TAFA5: variants seen among roughly 807,000 people sequenced by gnomAD.
TAFA5 encodes TAFA chemokine like family member 5, also known as chemokine-like protein TAFA-5.
A neutral mutation model predicts 15.3 loss-of-function variants in TAFA5; 6 were observed. The ratio of observed to expected loss-of-function variants is 0.39; its 90% CI spans 0.21 to 0.77. The LOEUF (loss-of-function observed/expected upper bound fraction) is 0.77, where lower values mean the gene tolerates loss of function less well. Among genes scored for constraint, TAFA5 ranks in the 30% least tolerant of loss-of-function variants. The pLI, the probability that TAFA5 is intolerant of heterozygous loss-of-function variation, is 0.41. For missense variants in TAFA5, 161 were observed against 193.1 expected (o/e 0.83, Z 0.98); for synonymous variants, 103 against 80.7 (o/e 1.28, Z -1.48).
chr22:48,738,569 T>C (rs186794315), intron 3 of TAFA5, among the ~76,000 whole-genome samples: 2 of 152,176 alleles, frequency 1.3e-5, no homozygotes, highest in Non-Finnish European at 2.9e-5. Flanking sequence ...CTCACCCCAG[T>C]GAGGAGTGAT....
intron 2 of TAFA5, among the ~76,000 whole-genome samples, chr22:48,665,935 G>A (rs1023307464): frequency 2.0e-5 from 3 of 152,040 alleles, no homozygotes; most frequent in Admixed American, 2.0e-4. Context: ...CTCCCCACCT[G>A]CCCCCAACGC....
chr22:48,607,665 G>A (rs1285966227), intron 1 of TAFA5, among the ~76,000 whole-genome samples: 2 of 152,036 alleles, frequency 1.3e-5, no homozygotes, highest in Non-Finnish European at 1.5e-5. Flanking sequence ...TCTGTCCCAG[G>A]TTCTGATTAG....
intron 1 of TAFA5, among the ~76,000 whole-genome samples, chr22:48,584,241 A>C (rs1924234479): frequency 6.8e-6 from 1 of 147,918 alleles, no homozygotes; most frequent in Non-Finnish European, 1.5e-5. Flanking sequence ...CACATTGGAC[A>C]CCACACACTT....
intron 3 of TAFA5, among the ~76,000 whole-genome samples, chr22:48,711,876 G>C (rs577352120): frequency 6.6e-6 from 1 of 152,330 alleles, no homozygotes; most frequent in African/African-American, 2.4e-5. Context: ...GTGGGCCGTT[G>C]CCGTTTACTT....
At chr22:48,637,403 C>T (rs1029816275) in intron 1 of TAFA5, among the ~76,000 whole-genome samples, 15 of 152,286 alleles carry the variant, frequency 9.8e-5, no homozygotes, top group African/African-American at 3.4e-4. Flanking sequence ...AGTTCGAAAG[C>T]GGTTCCTGCT....
At chr22:48,500,167 G>C (rs1601835612) in intron 1 of TAFA5, among the ~76,000 whole-genome samples, 1 of 152,036 alleles carries the variant, frequency 6.6e-6, no homozygotes, top group Admixed American at 6.6e-5. Context: ...TGATAAAAAC[G>C]GAGGTGACGC....
At chr22:48,729,362 TA>T (rs1217720350) in intron 3 of TAFA5, among the ~76,000 whole-genome samples, 11 of 132,238 alleles carry the variant, frequency 8.3e-5, no homozygotes, top group East Asian at 4.0e-4. Flanking sequence ...TATTAGTATA[TA>T]ATAATTTATA....
chr22:48,705,377 C>A (rs370434567), intron 2 of TAFA5, among the ~76,000 whole-genome samples: 8 of 152,322 alleles, frequency 5.3e-5, no homozygotes, highest in Admixed American at 1.3e-4. Context: ...AGCTCCTCCC[C>A]CCTTGTCGGA....
At chr22:48,506,591 G>A (rs1921003594) in intron 1 of TAFA5, among the ~76,000 whole-genome samples, 1 of 152,308 alleles carries the variant, frequency 6.6e-6, no homozygotes, top group Non-Finnish European at 1.5e-5. Context: ...CGTAGCTATG[G>A]CCTCAGGCAG....
At chr22:48,719,578 C>A (rs1023419594) in intron 3 of TAFA5, among the ~76,000 whole-genome samples, 1 of 83,232 alleles carries the variant, frequency 1.2e-5, no homozygotes, top group African/African-American at 4.0e-5. Flanking sequence ...TCAGGACTGC[C>A]CCCCCTGCAT....
At chr22:48,726,808 A>T (rs1298869124) in intron 3 of TAFA5, among the ~76,000 whole-genome samples, 2 of 152,234 alleles carry the variant, frequency 1.3e-5, no homozygotes, top group African/African-American at 2.4e-5. Context: ...CCTTCCCCCA[A>T]GCAGGCTCCA....
At chr22:48,651,690 GCATCTGT>G (rs2147206288) in intron 2 of TAFA5, among the ~76,000 whole-genome samples, 1 of 152,274 alleles carries the variant, frequency 6.6e-6, no homozygotes, top group East Asian at 1.9e-4. Context: ...CGTGGGTTTG[GCATCTGT>G]GCTTCACGTG....
intron 2 of TAFA5, among the ~76,000 whole-genome samples, chr22:48,655,627 T>C (rs1048022393): frequency 1.3e-5 from 2 of 152,180 alleles, no homozygotes; most frequent in African/African-American, 4.8e-5. Context: ...CCAACACTGC[T>C]GCATTGGGGG....
intron 1 of TAFA5, among the ~76,000 whole-genome samples, chr22:48,521,730 A>T (rs1244396067): frequency 6.6e-6 from 1 of 152,160 alleles, no homozygotes; most frequent in Non-Finnish European, 1.5e-5. Context: ...AGAAGTTTCC[A>T]TCACCACCTG....
chr22:48,627,153 T>C (rs1926051227), intron 1 of TAFA5, among the ~76,000 whole-genome samples: 3 of 152,178 alleles, frequency 2.0e-5, no homozygotes, highest in Admixed American at 2.0e-4. Context: ...ACCACGTATG[T>C]GTGTCTAAAG....
intron 3 of TAFA5, among the ~76,000 whole-genome samples, chr22:48,726,973 C>T (rs1359030482): frequency 1.3e-5 from 2 of 152,136 alleles, no homozygotes; most frequent in African/African-American, 4.8e-5. Context: ...AGCACACATT[C>T]AGGTGTATCT....
intron 3 of TAFA5, among the ~76,000 whole-genome samples, chr22:48,708,704 A>G (rs765818237): frequency 6.6e-6 from 1 of 152,180 alleles, no homozygotes; most frequent in Non-Finnish European, 1.5e-5. Context: ...CGTTTCCCTA[A>G]CACGGATCCG....
At chr22:48,611,922 G>A (rs1282775738) in intron 1 of TAFA5, among the ~76,000 whole-genome samples, 1 of 152,200 alleles carries the variant, frequency 6.6e-6, no homozygotes, top group African/African-American at 2.4e-5. Context: ...GGCTGCCAGG[G>A]GGCTGGGTGT....
intron 1 of TAFA5, among the ~76,000 whole-genome samples, chr22:48,630,540 G>A (rs978705794): frequency 1.3e-4 from 20 of 152,196 alleles, no homozygotes; most frequent in African/African-American, 3.6e-4. Context: ...CGGGCCCAGG[G>A]CAGGTGGCCA....
Sources: gnomAD v4.1 joint callset for allele counts (sites outside exome capture counted in the v4.1 genomes callset) on GRCh38, gnomAD v4.1.1 for gene constraint, MANE v1.5 for transcripts, NCBI Gene and HGNC (gene_info 2026-07-23, HGNC 2026-07-21) for gene names.